Variants in PGM5 observed in about 807,000 individuals in gnomAD.
The protein encoded by PGM5 is phosphoglucomutase-like protein 5.
Under a neutral mutation model 59.2 loss-of-function variants are expected in PGM5, and 23 were observed. The ratio of observed to expected loss-of-function variants is 0.39; its 90% CI spans 0.28 to 0.55. The LOEUF (loss-of-function observed/expected upper bound fraction) is 0.55. PGM5 is among the 20% of genes least tolerant of loss of function. The pLI is 0.66. For synonymous variants in PGM5, 214 were observed against 286.0 expected (o/e 0.75, Z 2.54); for missense variants, 574 against 748.3 (o/e 0.77, Z 2.72).
intron 6 of PGM5, among the ~76,000 whole-genome samples, chr9:68,439,119 T>C (rs1194034748): frequency 6.6e-6 from 1 of 151,956 alleles, no homozygotes; most frequent in Non-Finnish European, 1.5e-5. Flanking sequence ...TCCCAACACT[T>C]TGGGAGGCTG....
chr9:68,457,804 A>T (rs381986), intron 6 of PGM5, among the ~76,000 whole-genome samples: 3,610 of 152,174 alleles, frequency 0.024, 134 homozygotes, highest in African/African-American at 0.08. Flanking sequence ...TATATAAGTC[A>T]TTTTTTTTTA....
At chr9:68,446,093 T>C (rs1823606886) in intron 6 of PGM5, among the ~76,000 whole-genome samples, 1 of 152,172 alleles carries the variant, frequency 6.6e-6, no homozygotes, top group Non-Finnish European at 1.5e-5. Flanking sequence ...ATAGAAGAGA[T>C]TGGTCATTTG....
At position 68,529,831 on chromosome 9, in the gene PGM5, T is replaced by A. The variant is rs1825053509; in HGVS notation, c.*175T>A. The A allele has an allele frequency of 1.9e-6, 1 of 532,060 alleles. No individual in the cohort carries two copies. Among genetic ancestry groups the A allele is most frequent in the African/African-American group, 2.0e-5 (1 of 50,824 alleles). 33.0% of individuals were successfully genotyped at this position (532,060 alleles called of 1,614,324 possible). A position where few individuals can be genotyped will look rare whatever the true frequency, so the allele number is the denominator to read the frequency against. On this transcript the variant is annotated 3_prime_UTR_variant, in exon 11 of 11. Transcript: ENST00000396396. ...AAAAAAAATCCATTTGGTTTTGGTT[T>A]TGTCCTATTCCTCCAAATGCAGCAG...
rs1822256753 is a variant in PGM5, at chr9:68,387,545, T to C, written c.654T>C (p.Thr218=). ...TTCATGCCATCAAGGGTTTGCTGAC[T>C]GGACCCAGCCAACTGAAGATTCGCA... ...FDFHAIKGLL[T]GPSQLKIRID... is the part of the protein sequence containing the mutation. The change falls in exon 4 of 11, where the codon ACT becomes ACC. Residue 218 remains threonine, a synonymous_variant. Transcript: ENST00000396396. 2.5e-6 allele frequency: 4 copies of C among 1,612,152 alleles called. No individual in the cohort carries two copies. Among genetic ancestry groups the C allele is most frequent in the East Asian group, 2.2e-5 (1 of 44,860 alleles).
intron 6 of PGM5, among the ~76,000 whole-genome samples, chr9:68,422,230 A>G (rs1172209243): frequency 6.6e-6 from 1 of 152,164 alleles, no homozygotes; most frequent in Non-Finnish European, 1.5e-5. Context: ...AAAAACATTT[A>G]GTAGCATTGA....
intron 1 of PGM5, among the ~76,000 whole-genome samples, chr9:68,377,643 C>T (rs1821956106): frequency 6.6e-6 from 1 of 152,164 alleles, no homozygotes; most frequent in African/African-American, 2.4e-5. Context: ...TCCAATGTCT[C>T]CAGCACATGC....
At position 68,407,493 on chromosome 9, in the gene PGM5, T is replaced by C. The variant is rs181494922; in HGVS notation, c.1043+15020T>C. The stretch of plus-strand genomic sequence containing the variant: ...TCCTCTAAAACACATGAAAATTCAC[T>C]GTTCCCTCTGTTAGGTGCTCCCATA... On this transcript the variant is annotated intron_variant, in intron 6 of 10. Coordinates refer to ENST00000396396, the MANE Select transcript of PGM5 (RefSeq NM_021965.4). Among the ~76,000 whole-genome samples the C allele has an allele frequency of 2.0e-5, 3 of 152,326 alleles. No individual in the cohort carries two copies. In the East Asian group the frequency reaches 5.8e-4, roughly 29 times the overall value.
At chr9:68,438,834 A>G (rs1052939748) in intron 6 of PGM5, among the ~76,000 whole-genome samples, 6 of 152,108 alleles carry the variant, frequency 3.9e-5, no homozygotes, top group African/African-American at 9.7e-5. Flanking sequence ...CTCTGTGTGT[A>G]TGTTGGGGGA....
chr9:68,494,210 C>T (rs1291595292), intron 9 of PGM5, among the ~76,000 whole-genome samples: 10 of 151,730 alleles, frequency 6.6e-5, no homozygotes, highest in South Asian at 2.1e-4. Flanking sequence ...GGAATTCCTA[C>T]GAAGACTGTG....
chr9:68,507,843 A>G (rs1824682842), intron 10 of PGM5, among the ~76,000 whole-genome samples: 1 of 152,178 alleles, frequency 6.6e-6, no homozygotes, highest in Non-Finnish European at 1.5e-5. Context: ...ATCTGGACTC[A>G]TACTCTGCCG....
chr9:68,356,824 G>C lies in PGM5; in HGVS notation c.-304G>C, dbSNP rs2131962277. On this transcript the variant is annotated 5_prime_UTR_variant, in exon 1 of 11. Transcript: ENST00000396396. ...GGCTTTTGGGACACCCCGAAAGTGAGTCCAACTTGGGGAGAAACTGAGGGC... is the reference window on the plus strand; with the variant it reads ...GGCTTTTGGGACACCCCGAAAGTGACTCCAACTTGGGGAGAAACTGAGGGC... The C allele has an allele frequency of 3.0e-6, 1 of 328,546 alleles. No individual in the cohort carries two copies. The highest frequency in any genetic ancestry group is 9.0e-5 in the South Asian group (1 of 11,138). 20.4% of individuals were successfully genotyped at this position (328,546 alleles called of 1,614,324 possible). A position where few individuals can be genotyped will look rare whatever the true frequency, so the allele number is the denominator to read the frequency against.
intron 10 of PGM5, among the ~76,000 whole-genome samples, chr9:68,528,726 A>G (rs1236755769): frequency 6.6e-6 from 1 of 152,332 alleles, no homozygotes; most frequent in East Asian, 1.9e-4. Flanking sequence ...ATCTTGGTTA[A>G]ATTGTTAAAG....
intron 6 of PGM5, chr9:68,399,188 A>T (rs1379431767): frequency 3.9e-5 from 6 of 152,058 alleles, no homozygotes; most frequent in Admixed American, 6.6e-5. Context: ...TGCATCCATG[A>T]TATTTTGCCC....
chr9:68,376,797 C>CTT (rs1336330847), intron 1 of PGM5, among the ~76,000 whole-genome samples: 5 of 107,766 alleles, frequency 4.6e-5, no homozygotes, highest in Admixed American at 3.0e-4. Context: ...TTCTTTCTTT[C>CTT]TTTCTTTCTT....
Position 68,387,545 on chromosome 9 carries a change from T to A in PGM5, c.654T>A (p.Thr218=). The A allele has an allele frequency of 6.2e-6, 10 of 1,612,270 alleles. No individual in the cohort carries two copies. The highest frequency in any genetic ancestry group is 8.5e-6 in the Non-Finnish European group (10 of 1,178,674). Residue 218 remains threonine (T), a synonymous_variant, in exon 4 of 11, where the codon ACT becomes ACA. Transcript: ENST00000396396. ...FDFHAIKGLL[T]GPSQLKIRID... The stretch of plus-strand genomic sequence containing the variant: ...TTCATGCCATCAAGGGTTTGCTGAC[T>A]GGACCCAGCCAACTGAAGATTCGCA...
At chr9:68,418,055 G>T (rs1228022408) in intron 6 of PGM5, among the ~76,000 whole-genome samples, 7 of 152,168 alleles carry the variant, frequency 4.6e-5, no homozygotes, top group Non-Finnish European at 4.4e-5. Flanking sequence ...TTTCTCCCCT[G>T]ACAAGAGGCT....
intron 1 of PGM5, among the ~76,000 whole-genome samples, chr9:68,373,553 T>C (rs1176627792): frequency 3.9e-5 from 6 of 152,318 alleles, no homozygotes; most frequent in Non-Finnish European, 8.8e-5. Context: ...TTCTGCATTT[T>C]TCTAAGTCCT....
chr9:68,372,303 A>C (rs1437223659), intron 1 of PGM5, among the ~76,000 whole-genome samples: 5 of 150,732 alleles, frequency 3.3e-5, no homozygotes, highest in African/African-American at 1.2e-4. Flanking sequence ...TTCTGGCAGC[A>C]GAATACATTC....
At chr9:68,522,477 G>T (rs1354489532) in intron 10 of PGM5, among the ~76,000 whole-genome samples, 2 of 152,178 alleles carry the variant, frequency 1.3e-5, no homozygotes, top group African/African-American at 4.8e-5. Flanking sequence ...CCTGCTCCTA[G>T]CAGGAAAGAG....
Sources: gnomAD v4.1 joint callset for allele counts (sites outside exome capture counted in the v4.1 genomes callset) on GRCh38, gnomAD v4.1.1 for gene constraint, MANE v1.5 for transcripts, NCBI Gene and HGNC (gene_info 2026-07-23, HGNC 2026-07-21) for gene names.